FSTL4: variants seen among roughly 807,000 people sequenced by gnomAD.
FSTL4 encodes the protein follistatin like 4.
Under a neutral mutation model 78.2 loss-of-function variants are expected in FSTL4, and 28 were observed. The ratio of observed to expected loss-of-function variants is 0.36; its 90% CI spans 0.27 to 0.49. FSTL4 has a LOEUF of 0.49. FSTL4 is among the 20% of genes least tolerant of loss of function. The pLI, the probability that FSTL4 is intolerant of heterozygous loss-of-function variation, is 0.98. For synonymous variants in FSTL4, 422 were observed against 440.5 expected, an observed-to-expected ratio of 0.96 and a Z score of 0.53; for missense variants, 922 against 1,084.9, an observed-to-expected ratio of 0.85 and a Z score of 2.11.
At chr5:133,744,985 C>T in the FSTL4 span, among the ~76,000 whole-genome samples, 1 of 152,246 alleles carries the variant, frequency 6.6e-6, no homozygotes, top group Non-Finnish European at 1.5e-5. Context: ...AGGCAAGGAA[C>T]TGCTATCAGC....
chr5:133,206,018 C>T (rs1490796852), intron 14 of FSTL4, among the ~76,000 whole-genome samples: 2 of 152,268 alleles, frequency 1.3e-5, no homozygotes, highest in East Asian at 3.9e-4. Context: ...CAGAATTCTG[C>T]CTCTGTATTT....
the FSTL4 span, among the ~76,000 whole-genome samples, chr5:133,626,719 T>C: frequency 6.6e-6 from 1 of 152,274 alleles, no homozygotes; most frequent in Admixed American, 6.5e-5. Flanking sequence ...TATGGATTTC[T>C]AGTTTTGTTC....
chr5:133,353,388 G>A (rs1754871702), intron 4 of FSTL4, among the ~76,000 whole-genome samples: 1 of 152,228 alleles, frequency 6.6e-6, no homozygotes, highest in Non-Finnish European at 1.5e-5. Flanking sequence ...GGAAGCAAAG[G>A]TCTGCATGTG....
chr5:133,577,314 C>T (rs796715599), intron 2 of FSTL4, among the ~76,000 whole-genome samples: 3 of 152,278 alleles, frequency 2.0e-5, no homozygotes, highest in African/African-American at 4.8e-5. Context: ...ATGAAAAACA[C>T]CGAAGGGGTG....
chr5:133,766,155 T>G, the FSTL4 span, among the ~76,000 whole-genome samples: 3 of 152,208 alleles, frequency 2.0e-5, no homozygotes, highest in Non-Finnish European at 4.4e-5. Context: ...CAGCAAACCT[T>G]GGCCTATGGG....
the FSTL4 span, among the ~76,000 whole-genome samples, chr5:133,633,034 G>A: frequency 5.3e-5 from 8 of 152,014 alleles, no homozygotes; most frequent in African/African-American, 1.7e-4. Flanking sequence ...CATTATTTTT[G>A]CCATATAGAT....
chr5:133,221,912 T>TTTTTGTTTG (rs1751137300), intron 11 of FSTL4, among the ~76,000 whole-genome samples: 7 of 113,966 alleles, frequency 6.1e-5, no homozygotes, highest in South Asian at 2.5e-4. Flanking sequence ...TTTTTTTTTT[T>TTTTTGTTTG]TTTTTTTTTT....
the FSTL4 span, among the ~76,000 whole-genome samples, chr5:133,652,297 T>C: frequency 6.6e-6 from 1 of 152,110 alleles, no homozygotes; most frequent in Non-Finnish European, 1.5e-5. Context: ...TTACTTTGGA[T>C]TTAGTTTGCT....
At chr5:133,732,050 T>C in the FSTL4 span, among the ~76,000 whole-genome samples, 1 of 152,144 alleles carries the variant, frequency 6.6e-6, no homozygotes, top group African/African-American at 2.4e-5. Context: ...GCAACCTGTG[T>C]GCTTCCCACC....
chr5:133,659,067 T>TG, the FSTL4 span, among the ~76,000 whole-genome samples: 1 of 152,168 alleles, frequency 6.6e-6, no homozygotes, highest in African/African-American at 2.4e-5. Context: ...TTTGTGTTTG[T>TG]TCTATATGCA....
At chr5:133,839,464 G>T in the FSTL4 span, among the ~76,000 whole-genome samples, 1 of 152,184 alleles carries the variant, frequency 6.6e-6, no homozygotes, top group Non-Finnish European at 1.5e-5. Context: ...CCTCTGAAAA[G>T]TCCTGTAGCA....
chr5:133,371,657 G>C (rs1168534535), intron 4 of FSTL4, among the ~76,000 whole-genome samples: 2 of 152,200 alleles, frequency 1.3e-5, no homozygotes, highest in African/African-American at 4.8e-5. Context: ...GGCAGACAAG[G>C]AAATGTCATT....
chr5:133,698,764 G>A, the FSTL4 span, among the ~76,000 whole-genome samples: 8 of 152,194 alleles, frequency 5.3e-5, no homozygotes, highest in African/African-American at 7.2e-5. Flanking sequence ...GCTCTCAAGC[G>A]TCTCACAGCA....
the FSTL4 span, among the ~76,000 whole-genome samples, chr5:133,739,194 A>G: frequency 6.6e-6 from 1 of 152,178 alleles, no homozygotes. Context: ...TCTAACCCAG[A>G]GGGAGAACCT....
intron 6 of FSTL4, among the ~76,000 whole-genome samples, chr5:133,304,548 C>T (rs751528634): frequency 1.8e-4 from 27 of 152,170 alleles, no homozygotes; most frequent in Non-Finnish European, 3.8e-4. Flanking sequence ...CAATAACAAC[C>T]TGTAATTAGT....
chr5:133,589,613 T>C (rs528259757), intron 2 of FSTL4, among the ~76,000 whole-genome samples: 84 of 152,074 alleles, frequency 5.5e-4, no homozygotes, highest in Non-Finnish European at 1.1e-3. Flanking sequence ...GCAGAACTCA[T>C]CTCTCCCCAC....
chr5:133,361,052 C>T lies in FSTL4; in HGVS notation c.409+39686G>A, dbSNP rs539944728. On this transcript the variant is annotated intron_variant, in intron 4 of 15. Transcript: ENST00000265342. This position sits in a 1 kb window ranked among gnomAD's most constrained non-coding sequence, Gnocchi z 4.3. ...GGAGTTTACAAACCTCGAAATTCTG[C>T]TCTGAGCAAGAAACCCATTTTAGAA... Among the ~76,000 whole-genome samples, 1 of 152,312 alleles carries T rather than the reference C, an allele frequency of 6.6e-6. No homozygotes were observed. Among genetic ancestry groups the T allele is most frequent in the Non-Finnish European group, 1.5e-5 (1 of 68,028 alleles).
intron 15 of FSTL4, among the ~76,000 whole-genome samples, chr5:133,200,305 A>T (rs1423281757): frequency 3.3e-5 from 5 of 152,282 alleles, no homozygotes; most frequent in African/African-American, 1.2e-4. Flanking sequence ...ACAAGTGCAG[A>T]TGTCCTGTTA....
At chr5:133,577,883 C>T (rs572382974) in intron 2 of FSTL4, among the ~76,000 whole-genome samples, 5 of 152,180 alleles carry the variant, frequency 3.3e-5, no homozygotes, top group Admixed American at 6.5e-5. Flanking sequence ...TGGGTGATAG[C>T]GTAAGACTCT....
Sources: gnomAD v4.1 joint callset for allele counts (sites outside exome capture counted in the v4.1 genomes callset) on GRCh38, gnomAD v4.1.1 for gene constraint, Gnocchi (gnomAD v3.1) non-coding constraint, MANE v1.5 for transcripts, NCBI Gene and HGNC (gene_info 2026-07-23, HGNC 2026-07-21) for gene names.